The following CLEC16A variants were observed in gnomAD, a reference collection of about 807,000 sequenced individuals.
The protein encoded by CLEC16A is C-type lectin domain containing 16A, also known as protein CLEC16A.
In CLEC16A, 51 loss-of-function variants were observed where a neutral mutation model predicts 109.5. The observed-to-expected ratio is 0.47, with a 90% CI of 0.37 to 0.59. CLEC16A has a LOEUF of 0.59. CLEC16A is among the 20% of genes least tolerant of loss of function. The pLI, the probability that CLEC16A is intolerant of heterozygous loss-of-function variation, is 0.00. For missense variants in CLEC16A, 1,339 were observed against 1,394.0 expected (o/e 0.96, Z 0.63); for synonymous variants, 673 against 564.2 (o/e 1.19, Z -2.73).
intron 19 of CLEC16A, among the ~76,000 whole-genome samples, chr16:11,067,251 G>A (rs1567271264): frequency 7.1e-6 from 1 of 141,728 alleles, no homozygotes; most frequent in African/African-American, 2.7e-5. Context: ...GCAAAAGCCA[G>A]TGACTCTGTC....
chr16:11,077,964 CGTGTGTGTGTGTGT>C (rs34576806), intron 19 of CLEC16A, among the ~76,000 whole-genome samples: 2,093 of 135,612 alleles, frequency 0.015, 44 homozygotes, highest in African/African-American at 0.052. Context: ...CAAAAAAAAA[CGTGTGTGTGTGTGT>C]GTGTGTGTGT....
At chr16:11,009,035 A>G (rs1377629125) in intron 11 of CLEC16A, among the ~76,000 whole-genome samples, 2 of 152,160 alleles carry the variant, frequency 1.3e-5, no homozygotes, top group Admixed American at 6.5e-5. Flanking sequence ...TTGTATAACC[A>G]TCACCACCAT....
chr16:10,990,833 A>G (rs2043962740), intron 10 of CLEC16A, among the ~76,000 whole-genome samples: 1 of 152,168 alleles, frequency 6.6e-6, no homozygotes, highest in Non-Finnish European at 1.5e-5. Flanking sequence ...GTGAGGACAG[A>G]CAAATGAGGT....
intron 19 of CLEC16A, among the ~76,000 whole-genome samples, chr16:11,107,246 A>C (rs1274739727): frequency 6.7e-6 from 1 of 149,430 alleles, no homozygotes; most frequent in Non-Finnish European, 1.5e-5. Context: ...CCACCAGTAC[A>C]TTTTTTTTTT....
At chr16:11,149,854 A>C (rs997898291) in intron 22 of CLEC16A, 1 of 151,556 alleles carries the variant, frequency 6.6e-6, no homozygotes, top group African/African-American at 2.4e-5. Context: ...ACCCTTCCTC[A>C]GTCATCATTT....
Position 10,977,305 on chromosome 16 carries a change from T to A in CLEC16A, c.809T>A (p.Ile270Asn). ...CACTATCTCAATGACATCCTGATCA[T>A]CAACTGTGAGTTCCTCAACGATGTG... is the stretch of plus-strand genomic sequence containing the variant. Reference protein sequence around the residue: ...HLHYLNDILIINCEFLNDVLT... With the variant: ...HLHYLNDILINNCEFLNDVLT... The change falls in exon 8 of 24, where the codon ATC becomes AAC. Residue 270 changes from isoleucine to asparagine, a missense_variant. Ile to Asn is a moderately radical substitution (Grantham distance 149). Coordinates refer to ENST00000409790, the MANE Select transcript of CLEC16A (RefSeq NM_015226.3). 1 of 1,613,990 alleles carries A rather than the reference T, an allele frequency of 6.2e-7. No individual in the cohort carries two copies. The highest frequency in any genetic ancestry group is 8.5e-7 in the Non-Finnish European group (1 of 1,179,884).
chr16:10,960,077 A>C (rs1219724569), intron 2 of CLEC16A, among the ~76,000 whole-genome samples: 1 of 152,252 alleles, frequency 6.6e-6, no homozygotes, highest in African/African-American at 2.4e-5. Context: ...GAATAATTTT[A>C]GATTTATAAA....
At chr16:11,095,638 C>A (rs1218076428) in intron 19 of CLEC16A, among the ~76,000 whole-genome samples, 1 of 151,962 alleles carries the variant, frequency 6.6e-6, no homozygotes. Flanking sequence ...ATGGTAAAAC[C>A]CCATCTCTAC....
chr16:11,030,486 A>C lies in CLEC16A; in HGVS notation c.1537+5565A>C, dbSNP rs186916340. Among the ~76,000 whole-genome samples the C allele has an allele frequency of 1.1e-4, 16 of 152,266 alleles. No individual in the cohort carries two copies. In the East Asian group the frequency reaches 2.9e-3, roughly 28 times the overall value. On this transcript the variant is annotated intron_variant, in intron 13 of 23. Transcript: ENST00000409790. ...TCTAATAGGTTTGCAGTGGTATCTT[A>C]TGATCTTAATTTGCATATCCCTAAT...
In CLEC16A at chr16:11,181,243, G is replaced by T. The variant is rs562428412; in HGVS notation, c.*2553G>T. 2 of 152,456 alleles carry T rather than the reference G, an allele frequency of 1.3e-5. No individual in the cohort carries two copies. Among genetic ancestry groups the T allele is most frequent in the East Asian group, 3.9e-4 (2 of 5,190 alleles). The allele number at this position is 152,456 out of a possible 1,614,324, so 9.4% of individuals were successfully genotyped here. On this transcript the variant is annotated 3_prime_UTR_variant, in exon 24 of 24. Coordinates refer to ENST00000409790, the MANE Select transcript of CLEC16A (RefSeq NM_015226.3). ...GGAGCTCCCGTCAAACCTCATAGCT[G>T]GGGCGCTCCCAGACAGGCCAGTCCA...
At chr16:11,064,298 C>T (rs1014261955) in intron 19 of CLEC16A, among the ~76,000 whole-genome samples, 6 of 152,256 alleles carry the variant, frequency 3.9e-5, no homozygotes, top group Admixed American at 6.5e-5. Flanking sequence ...TCCCCAGCCC[C>T]AGCTGCTGCT....
chr16:10,998,572 T>C (rs934024801), intron 10 of CLEC16A, among the ~76,000 whole-genome samples: 2 of 152,224 alleles, frequency 1.3e-5, no homozygotes, highest in East Asian at 1.9e-4. Flanking sequence ...TTTCCACTTC[T>C]GGTTAGTTTG....
chr16:11,008,469 C>T (rs2045177680), intron 11 of CLEC16A, among the ~76,000 whole-genome samples: 1 of 152,008 alleles, frequency 6.6e-6, no homozygotes, highest in South Asian at 2.1e-4. Flanking sequence ...AAGAATCTGG[C>T]CAGAGCTGTC....
intron 10 of CLEC16A, among the ~76,000 whole-genome samples, chr16:10,987,164 GTTTTT>G (rs888880782): frequency 2.4e-4 from 35 of 148,794 alleles, no homozygotes; most frequent in African/African-American, 8.6e-4. Flanking sequence ...CTTTTATGCA[GTTTTT>G]TTTTTAATTG....
chr16:11,116,306 G>T (rs943382618), intron 19 of CLEC16A, among the ~76,000 whole-genome samples: 2 of 152,004 alleles, frequency 1.3e-5, no homozygotes, highest in African/African-American at 4.8e-5. Context: ...GAGGCAGGAG[G>T]ATCACTTGAA....
intron 19 of CLEC16A, among the ~76,000 whole-genome samples, chr16:11,099,902 G>A (rs2050813623): frequency 6.6e-6 from 1 of 152,132 alleles, no homozygotes; most frequent in Non-Finnish European, 1.5e-5. Flanking sequence ...GTGTTTAAGT[G>A]TCCAGCATGT....
intron 22 of CLEC16A, among the ~76,000 whole-genome samples, chr16:11,152,985 A>G (rs1334816608): frequency 6.6e-6 from 1 of 151,940 alleles, no homozygotes; most frequent in Non-Finnish European, 1.5e-5. Flanking sequence ...AGAAACCCAA[A>G]TCTCCACTCC....
chr16:10,955,692 C>G (rs1057056726), intron 1 of CLEC16A, among the ~76,000 whole-genome samples: 1 of 152,162 alleles, frequency 6.6e-6, no homozygotes. Context: ...CCACCGTCTC[C>G]CATTGACCAG....
chr16:11,163,030 C>T (rs527318528), intron 22 of CLEC16A, among the ~76,000 whole-genome samples: 1 of 152,332 alleles, frequency 6.6e-6, no homozygotes, highest in South Asian at 2.1e-4. Flanking sequence ...TCACTCCTGT[C>T]GCACGATCTC....
Sources: gnomAD v4.1 joint callset for allele counts (sites outside exome capture counted in the v4.1 genomes callset) on GRCh38, gnomAD v4.1.1 for gene constraint, MANE v1.5 for transcripts, NCBI Gene and HGNC (gene_info 2026-07-23, HGNC 2026-07-21) for gene names.